Variants in CCDC172 observed in about 807,000 individuals in gnomAD.
CCDC172 encodes coiled-coil domain containing 172.
Under a neutral mutation model 38.0 loss-of-function variants are expected in CCDC172, and 30 were observed. The observed-to-expected ratio is 0.79, with a 90% CI of 0.59 to 1.07. The LOEUF (loss-of-function observed/expected upper bound fraction) is 1.07, where lower values mean the gene tolerates loss of function less well. Among genes scored for constraint, CCDC172 ranks in the 50% least tolerant of loss-of-function variants. The pLI is 0.00. For missense variants in CCDC172, 297 were observed against 290.1 expected, an observed-to-expected ratio of 1.02 and a Z score of -0.17; for synonymous variants, 78 against 88.3, an observed-to-expected ratio of 0.88 and a Z score of 0.66.
chr10:116,352,197 T>TA (rs1319616810), intron 5 of CCDC172, among the ~76,000 whole-genome samples: 1 of 152,168 alleles, frequency 6.6e-6, no homozygotes, highest in Non-Finnish European at 1.5e-5. Context: ...AGACCTACCC[T>TA]AAAAAATTCT....
chr10:116,352,884 C>T (rs1195760193), intron 5 of CCDC172, among the ~76,000 whole-genome samples: 1 of 151,874 alleles, frequency 6.6e-6, no homozygotes, highest in African/African-American at 2.4e-5. Context: ...AAGGAATCTA[C>T]AGGAAAACTA....
At chr10:116,365,272 T>A (rs1845109984) in intron 7 of CCDC172, among the ~76,000 whole-genome samples, 2 of 152,274 alleles carry the variant, frequency 1.3e-5, no homozygotes, top group South Asian at 2.1e-4. Context: ...AAGTACTTCC[T>A]ATAATTTGCT....
chr10:116,340,361 A>G (rs1451743727), intron 3 of CCDC172, among the ~76,000 whole-genome samples: 1 of 151,828 alleles, frequency 6.6e-6, no homozygotes, highest in African/African-American at 2.4e-5. Context: ...TTCCTTATAA[A>G]CTGTGAAAAT....
intron 7 of CCDC172, among the ~76,000 whole-genome samples, chr10:116,368,898 T>A (rs1845155499): frequency 6.6e-6 from 1 of 152,068 alleles, no homozygotes. Flanking sequence ...GTCTTCTTTC[T>A]AGTTAAAACT....
At chr10:116,363,470 T>C in intron 7 of CCDC172, among the ~76,000 whole-genome samples, 1 of 152,176 alleles carries the variant, frequency 6.6e-6, no homozygotes, top group African/African-American at 2.4e-5. Flanking sequence ...AATAGAATAA[T>C]TTTGTGCTTA....
rs543682109 is a variant in CCDC172 at position 116,342,677 on chromosome 10, A to G, written c.448+476A>G. Among the ~76,000 whole-genome samples the G allele has an allele frequency of 8.5e-5, 13 of 152,282 alleles. No individual in the cohort carries two copies. In the South Asian group the frequency reaches 1.0e-3, roughly 12 times the overall value. On this transcript the variant is annotated intron_variant, in intron 5 of 8. Transcript: ENST00000333254. Reference sequence around the variant, plus strand: ...GTGTCCCCATGCAAATGTCGTGTCAAATTGTAATCCTTAATGTTGGAGGTT... The same window carrying G: ...GTGTCCCCATGCAAATGTCGTGTCAGATTGTAATCCTTAATGTTGGAGGTT...
intron 7 of CCDC172, among the ~76,000 whole-genome samples, chr10:116,369,165 T>C (rs1036260761): frequency 2.6e-5 from 4 of 152,052 alleles, no homozygotes; most frequent in African/African-American, 9.7e-5. Context: ...GCTTATTCAT[T>C]TCCATTTGTG....
intron 3 of CCDC172, 62 bp from the exon 4 acceptor site, chr10:116,340,672 T>C: frequency 1.3e-6 from 1 of 784,434 alleles, no homozygotes. Flanking sequence ...CTCTGTTACC[T>C]AAGGTACTCT....
chr10:116,344,991 A>G (rs904402913), intron 5 of CCDC172, among the ~76,000 whole-genome samples: 5 of 152,196 alleles, frequency 3.3e-5, no homozygotes, highest in Non-Finnish European at 7.4e-5. Context: ...ACATGGAGCT[A>G]TCATCTTCTA....
chr10:116,356,737 G>A (rs536693884), intron 5 of CCDC172, among the ~76,000 whole-genome samples: 2 of 152,276 alleles, frequency 1.3e-5, no homozygotes, highest in South Asian at 2.1e-4. Flanking sequence ...TAGCAATATT[G>A]TGAAAGCTTG....
intron 5 of CCDC172, among the ~76,000 whole-genome samples, chr10:116,351,530 AG>A (rs1269043370): frequency 6.6e-6 from 1 of 152,232 alleles, no homozygotes; most frequent in African/African-American, 2.4e-5. Context: ...AATGAGGCAT[AG>A]TTCCTGTTTT....
chr10:116,345,944 A>G (rs1434896399), intron 5 of CCDC172, among the ~76,000 whole-genome samples: 3 of 152,180 alleles, frequency 2.0e-5, no homozygotes, highest in African/African-American at 4.8e-5. Context: ...CCACTCCACA[A>G]TGAGATACTC....
At chr10:116,361,474 C>A (rs1022072564) in intron 7 of CCDC172, among the ~76,000 whole-genome samples, 1 of 152,034 alleles carries the variant, frequency 6.6e-6, no homozygotes, top group African/African-American at 2.4e-5. Flanking sequence ...TTGTTTAATG[C>A]AATAGGAAGA....
chr10:116,367,428 G>A (rs1246250001), intron 7 of CCDC172, among the ~76,000 whole-genome samples: 6 of 152,148 alleles, frequency 3.9e-5, no homozygotes, highest in Non-Finnish European at 7.4e-5. Context: ...GGTGGCTTAT[G>A]CCTGTAATCC....
chr10:116,341,180 G>A (rs1473250457), intron 4 of CCDC172, among the ~76,000 whole-genome samples: 1 of 152,018 alleles, frequency 6.6e-6, no homozygotes, highest in Non-Finnish European at 1.5e-5. Context: ...GCATATTTAT[G>A]GATGTGGCTA....
intron 3 of CCDC172, among the ~76,000 whole-genome samples, chr10:116,327,745 G>A (rs1844608924): frequency 6.6e-6 from 1 of 152,038 alleles, no homozygotes; most frequent in Non-Finnish European, 1.5e-5. Context: ...ATTTATAACT[G>A]AAATAGTTTG....
intron 7 of CCDC172, among the ~76,000 whole-genome samples, chr10:116,361,339 C>G (rs940084868): frequency 6.6e-6 from 1 of 152,216 alleles, no homozygotes; most frequent in East Asian, 1.9e-4. Context: ...AGTTCTTGAT[C>G]ATGATTTTTT....
Position 116,357,429 on chromosome 10 carries a change from A to G in CCDC172, c.498A>G (p.Lys166=), listed in dbSNP as rs774220410. Residue 166 remains lysine (K), a synonymous_variant, in exon 6 of 9, where the codon AAA becomes AAG. Coordinates refer to ENST00000333254, the MANE Select transcript of CCDC172 (RefSeq NM_198515.3). ...GTAGCCAGTTAAATGAACTTCAAAA[A>G]CAAAAGAGTGAATTGATACAAGAAT... The part of the protein sequence containing the change: ...HDSSQLNELQ[K]QKSELIQELF... 2 of 1,585,604 alleles carry G rather than the reference A, an allele frequency of 1.3e-6. No homozygotes were observed.
Position 116,325,036 on chromosome 10 carries a change from C to T in CCDC172, c.25C>T (p.His9Tyr). Residue 9 changes from histidine (H) to tyrosine (Y), a missense_variant, in exon 2 of 9, where the codon CAC becomes TAC. By Grantham distance (83) the His-to-Tyr change is moderately conservative. Coordinates refer to ENST00000333254, the MANE Select transcript of CCDC172 (RefSeq NM_198515.3). MSLESLFQ[H>Y]IIFTEHQAEE... Reference sequence around the variant, plus strand: ...GATGAGCTTGGAGTCCCTGTTTCAGCACATCATCTTCACCGAGCATCAGGC... The same window carrying T: ...GATGAGCTTGGAGTCCCTGTTTCAGTACATCATCTTCACCGAGCATCAGGC... 2 of 1,614,072 alleles carry T rather than the reference C, an allele frequency of 1.2e-6. No individual in the cohort carries two copies. The highest frequency in any genetic ancestry group is 1.6e-4 in the Middle Eastern group (1 of 6,062).
Sources: allele counts gnomAD v4.1 joint callset (sites outside exome capture counted in the v4.1 genomes callset), GRCh38; gene constraint gnomAD v4.1.1; transcripts MANE v1.5; gene names NCBI Gene and HGNC (gene_info 2026-07-23, HGNC 2026-07-21).